Variants in SGCD observed in about 807,000 individuals in gnomAD.
SGCD encodes the protein sarcoglycan delta.
In SGCD, 18 loss-of-function variants were observed where a neutral mutation model predicts 36.6. That is an observed-to-expected ratio of 0.49 (90% confidence interval 0.34 to 0.73). The LOEUF is 0.73. Among genes scored for constraint, SGCD ranks in the 30% least tolerant of loss-of-function variants. SGCD has a pLI of 0.01. For missense variants in SGCD, 387 were observed against 346.7 expected (o/e 1.12, Z -0.92); for synonymous variants, 133 against 130.6 (o/e 1.02, Z -0.12).
chr5:156,450,534 A>AT (rs1249702627), intron 3 of SGCD, among the ~76,000 whole-genome samples: 4 of 145,530 alleles, frequency 2.7e-5, no homozygotes. Flanking sequence ...TGAGACATTC[A>AT]TTAAAAAAAA....
At chr5:156,676,561 A>G (rs1417850243) in intron 7 of SGCD, among the ~76,000 whole-genome samples, 1 of 152,032 alleles carries the variant, frequency 6.6e-6, no homozygotes, top group Non-Finnish European at 1.5e-5. Context: ...TTAGCTTGGG[A>G]CCTCAAGACA....
intron 1 of SGCD, among the ~76,000 whole-genome samples, chr5:156,104,975 C>T (rs541600722): frequency 2.5e-4 from 38 of 151,900 alleles, no homozygotes; most frequent in Non-Finnish European, 5.1e-4. Flanking sequence ...GGAAGGGGAA[C>T]ATCACACACT....
chr5:155,800,470 T>C, the SGCD span, among the ~76,000 whole-genome samples: 1 of 152,226 alleles, frequency 6.6e-6, no homozygotes, highest in Admixed American at 6.5e-5. Flanking sequence ...TACTGACCTT[T>C]TCTGTATTCG....
intron 3 of SGCD, among the ~76,000 whole-genome samples, chr5:156,284,525 A>C (rs527707581): frequency 5.3e-5 from 8 of 152,314 alleles, no homozygotes; most frequent in Admixed American, 4.6e-4. Flanking sequence ...AACATACGCA[A>C]ATCAATAAAT....
intron 3 of SGCD, among the ~76,000 whole-genome samples, chr5:156,231,733 A>G (rs1372687677): frequency 1.3e-5 from 2 of 152,162 alleles, no homozygotes; most frequent in African/African-American, 4.8e-5. Context: ...TTGTAGGGAT[A>G]TTGGTACCGT....
intron 8 of SGCD, chr5:156,758,049 C>T (rs1450901058): frequency 3.0e-6 from 3 of 1,012,634 alleles, no homozygotes; most frequent in Admixed American, 1.1e-4. Context: ...ACACATCTGG[C>T]TCAAGATGAA....
intron 1 of SGCD, among the ~76,000 whole-genome samples, chr5:156,071,157 T>C (rs1330970546): frequency 6.6e-6 from 1 of 152,220 alleles, no homozygotes; most frequent in East Asian, 1.9e-4. Flanking sequence ...TTTAGTTATT[T>C]CTTGCCTTCT....
chr5:155,783,643 A>G, the SGCD span, among the ~76,000 whole-genome samples: 1 of 152,192 alleles, frequency 6.6e-6, no homozygotes, highest in Non-Finnish European at 1.5e-5. Context: ...CCTAGAATAA[A>G]AGAGATTAAT....
intron 3 of SGCD, among the ~76,000 whole-genome samples, chr5:156,144,876 A>C (rs3097858): frequency 6.6e-6 from 1 of 152,154 alleles, no homozygotes; most frequent in African/African-American, 2.4e-5. Context: ...TTACAGTCTC[A>C]TAGGCAGAAG....
chr5:155,813,267 G>A, the SGCD span, among the ~76,000 whole-genome samples: 4 of 152,078 alleles, frequency 2.6e-5, no homozygotes, highest in African/African-American at 9.7e-5. Context: ...TGAAGGTGGA[G>A]TAGAGGAATC....
At chr5:156,015,077 G>A (rs1202805754) in intron 1 of SGCD, among the ~76,000 whole-genome samples, 1 of 152,176 alleles carries the variant, frequency 6.6e-6, no homozygotes, top group Non-Finnish European at 1.5e-5. Context: ...CTAAGAAGCA[G>A]TGTGTGAGGA....
chr5:156,373,782 T>A (rs1418037877), intron 3 of SGCD, among the ~76,000 whole-genome samples: 1 of 152,230 alleles, frequency 6.6e-6, no homozygotes, highest in African/African-American at 2.4e-5. Context: ...GACCAAGGGC[T>A]GTTGCTAGCT....
chr5:155,950,521 A>C (rs1361984972), intron 1 of SGCD, among the ~76,000 whole-genome samples: 1 of 152,178 alleles, frequency 6.6e-6, no homozygotes, highest in African/African-American at 2.4e-5. Context: ...AAATCCATTA[A>C]TATCCACCCC....
chr5:155,968,575 T>C (rs10068297), intron 1 of SGCD, among the ~76,000 whole-genome samples: 3,774 of 152,226 alleles, frequency 0.025, 157 homozygotes, highest in African/African-American at 0.081. Context: ...TCTTATAGTG[T>C]GTAATTTCAA....
At chr5:156,429,415 T>C (rs1392367139) in intron 3 of SGCD, among the ~76,000 whole-genome samples, 1 of 152,006 alleles carries the variant, frequency 6.6e-6, no homozygotes, top group African/African-American at 2.4e-5. Flanking sequence ...ATGTCTTAAG[T>C]GAGTATCTTG....
At chr5:156,214,792 C>T (rs1264894576) in intron 3 of SGCD, among the ~76,000 whole-genome samples, 1 of 151,936 alleles carries the variant, frequency 6.6e-6, no homozygotes, top group Non-Finnish European at 1.5e-5. Flanking sequence ...GAAATAAATC[C>T]ACGCATTTAC....
intron 3 of SGCD, among the ~76,000 whole-genome samples, chr5:156,380,077 G>T (rs1042331958): frequency 7.9e-5 from 12 of 151,678 alleles, no homozygotes; most frequent in African/African-American, 2.9e-4. Context: ...TGTGGTCTTG[G>T]GTGTTTCCTA....
intron 7 of SGCD, among the ~76,000 whole-genome samples, chr5:156,717,161 A>G (rs1207614276): frequency 6.6e-6 from 1 of 152,246 alleles, no homozygotes; most frequent in Non-Finnish European, 1.5e-5. Flanking sequence ...AATGCTAAGA[A>G]AAGCTGTGCT....
At chr5:155,846,580 A>G in the SGCD span, among the ~76,000 whole-genome samples, 1 of 152,264 alleles carries the variant, frequency 6.6e-6, no homozygotes, top group East Asian at 1.9e-4. Flanking sequence ...TGTAAAACCT[A>G]AAGATTATTT....
Sources: gnomAD v4.1 joint callset for allele counts (sites outside exome capture counted in the v4.1 genomes callset) on GRCh38, gnomAD v4.1.1 for gene constraint, MANE v1.5 for transcripts, NCBI Gene and HGNC (gene_info 2026-07-23, HGNC 2026-07-21) for gene names.